PPP2R2C: variants seen among roughly 807,000 people sequenced by gnomAD.
PPP2R2C encodes the protein protein phosphatase 2 regulatory subunit Bgamma.
Under a neutral mutation model 45.3 loss-of-function variants are expected in PPP2R2C, and 10 were observed. The ratio of observed to expected loss-of-function variants is 0.22; its 90% confidence interval spans 0.14 to 0.37. PPP2R2C has a LOEUF of 0.37. Among genes scored for constraint, PPP2R2C ranks in the 10% least tolerant of loss-of-function variants. PPP2R2C has a pLI of 1.00. For missense variants in PPP2R2C, 308 were observed against 619.7 expected (o/e 0.50, Z 5.34); for synonymous variants, 257 against 245.4 (o/e 1.05, Z -0.44).
chr4:6,408,127 G>A (rs1156609154), intron 1 of PPP2R2C, among the ~76,000 whole-genome samples: 1 of 152,188 alleles, frequency 6.6e-6, no homozygotes, highest in Non-Finnish European at 1.5e-5. Flanking sequence ...CTATCGCTCA[G>A]CACTAACTTA....
At chr4:6,389,846 T>C (rs1370229751) in intron 1 of PPP2R2C, among the ~76,000 whole-genome samples, 1 of 152,162 alleles carries the variant, frequency 6.6e-6, no homozygotes, top group African/African-American at 2.4e-5. Context: ...GCTCAGCTAG[T>C]AAGGGCAGGG....
chr4:6,447,854 G>A (rs956687734), intron 1 of PPP2R2C, among the ~76,000 whole-genome samples: 1 of 152,102 alleles, frequency 6.6e-6, no homozygotes, highest in African/African-American at 2.4e-5. Flanking sequence ...ACATCCCTGC[G>A]GGAACCACAA....
chr4:6,372,401 C>G, intron 5 of PPP2R2C, 122 bp downstream of exon 5: 1 of 1,047,422 alleles, frequency 9.5e-7, no homozygotes, highest in Non-Finnish European at 1.4e-6. Flanking sequence ...AGGTGCCTCA[C>G]TGAAGAAGTT....
At chr4:6,409,846 G>A (rs898971768) in intron 1 of PPP2R2C, among the ~76,000 whole-genome samples, 5 of 152,156 alleles carry the variant, frequency 3.3e-5, no homozygotes, top group Non-Finnish European at 5.9e-5. Context: ...TATCCTCCAA[G>A]CCTTTGCCCA....
At chr4:6,413,365 C>T (rs1376281704) in intron 1 of PPP2R2C, among the ~76,000 whole-genome samples, 2 of 152,258 alleles carry the variant, frequency 1.3e-5, no homozygotes, top group East Asian at 3.8e-4. Flanking sequence ...TGTGTGCACA[C>T]ACAGCCCATA....
chr4:6,375,988 G>C, intron 3 of PPP2R2C, 57 bp from the exon 4 acceptor site: 1 of 1,390,630 alleles, frequency 7.2e-7, no homozygotes, highest in Non-Finnish European at 1.0e-6. Flanking sequence ...GGATGGAAGA[G>C]AAGATCCACT....
At chr4:6,456,691 C>G (rs571380921) in intron 1 of PPP2R2C, among the ~76,000 whole-genome samples, 2 of 152,176 alleles carry the variant, frequency 1.3e-5, no homozygotes, top group African/African-American at 2.4e-5. Flanking sequence ...GGGTGCCCCT[C>G]ACGGTGAACC....
chr4:6,418,344 C>A (rs972426072), intron 1 of PPP2R2C, among the ~76,000 whole-genome samples: 1 of 152,124 alleles, frequency 6.6e-6, no homozygotes, highest in Non-Finnish European at 1.5e-5. Flanking sequence ...CTATGCCCTC[C>A]TGGAGAGGAA....
In PPP2R2C at chr4:6,449,499, C is replaced by T. The variant is rs75136473; in HGVS notation, c.70+22661G>A. 2.6e-3 allele frequency among the ~76,000 whole-genome samples: 398 copies of T among 152,326 alleles called. 4 individuals are homozygous for T. Among genetic ancestry groups the T allele is most frequent in the African/African-American group, 9.1e-3 (379 of 41,578 alleles). On this transcript the variant is annotated intron_variant, in intron 1 of 8. Transcript: ENST00000382599. ...GCTGGAGAGGAGTGAAAACACAGAG[C>T]CATGCTGACGTGAGACATGCGGACC...
At chr4:6,501,026 A>G (rs958445895) in intron 2 of PPP2R2C, among the ~76,000 whole-genome samples, 2 of 152,366 alleles carry the variant, frequency 1.3e-5, no homozygotes. Flanking sequence ...AAGCTGCCCA[A>G]ACAGATCCCG....
chr4:6,389,893 T>C (rs978196329), intron 1 of PPP2R2C, among the ~76,000 whole-genome samples: 1 of 152,140 alleles, frequency 6.6e-6, no homozygotes, highest in Non-Finnish European at 1.5e-5. Context: ...TCCTGAGTCC[T>C]TGAACTTGCC....
chr4:6,533,616 G>T (rs1206115586), intron 2 of PPP2R2C, among the ~76,000 whole-genome samples: 1 of 152,198 alleles, frequency 6.6e-6, no homozygotes, highest in Middle Eastern at 3.2e-3. Context: ...CCTGGGGACC[G>T]TAAGTCTGCA....
rs1044363645 is a variant in PPP2R2C at position 6,341,812 on chromosome 4, G to A, written c.790+6034C>T. On this transcript the variant is annotated intron_variant, in intron 6 of 8. Coordinates refer to ENST00000382599, the MANE Select transcript of PPP2R2C (RefSeq NM_020416.4). ...CAGCCTCTAGAAGCCTCTAGTAGCT[G>A]GAAAAGATCAGAAAACAGCCCCACC... 2.6e-5 allele frequency among the ~76,000 whole-genome samples: 4 copies of A among 152,086 alleles called. No individual in the cohort carries two copies. In the South Asian group the frequency reaches 8.3e-4, roughly 32 times the overall value.
chr4:6,553,604 C>T (rs527435019), intron 1 of PPP2R2C, among the ~76,000 whole-genome samples: 7 of 152,256 alleles, frequency 4.6e-5, no homozygotes, highest in Non-Finnish European at 8.8e-5. Context: ...CAATCAGCAG[C>T]GAGTCCTTCT....
At chr4:6,550,556 C>T (rs528453150) in intron 1 of PPP2R2C, among the ~76,000 whole-genome samples, 2 of 152,244 alleles carry the variant, frequency 1.3e-5, no homozygotes, top group Non-Finnish European at 2.9e-5. Flanking sequence ...GAAGCACAGA[C>T]AGACCTGGCC....
intron 1 of PPP2R2C, among the ~76,000 whole-genome samples, chr4:6,535,701 C>A (rs992077237): frequency 1.3e-5 from 2 of 152,242 alleles, no homozygotes; most frequent in East Asian, 3.9e-4. Context: ...CAGCTATTTC[C>A]CCACAGCCTA....
chr4:6,340,181 G>A (rs559495743), intron 6 of PPP2R2C, among the ~76,000 whole-genome samples: 78 of 152,236 alleles, frequency 5.1e-4, no homozygotes, highest in African/African-American at 1.8e-3. Flanking sequence ...CTCAAGCCCA[G>A]CTGTGGCCCC....
intron 1 of PPP2R2C, among the ~76,000 whole-genome samples, chr4:6,393,419 C>T (rs1716788083): frequency 6.6e-6 from 1 of 152,234 alleles, no homozygotes; most frequent in Non-Finnish European, 1.5e-5. Flanking sequence ...TGACACAGAT[C>T]AGTACATCAT....
chr4:6,477,714 G>C (rs1722210259), intron 2 of PPP2R2C, among the ~76,000 whole-genome samples: 1 of 134,662 alleles, frequency 7.4e-6, no homozygotes, highest in African/African-American at 2.8e-5. Flanking sequence ...CTGGGCGACA[G>C]AGCGAGACTC....
Sources: allele counts gnomAD v4.1 joint callset (sites outside exome capture counted in the v4.1 genomes callset), GRCh38; gene constraint gnomAD v4.1.1; transcripts MANE v1.5; gene names NCBI Gene and HGNC (gene_info 2026-07-23, HGNC 2026-07-21).